KAT6B: variants seen among roughly 807,000 people sequenced by gnomAD.
KAT6B encodes the protein lysine acetyltransferase 6B.
KAT6B carries 10 observed loss-of-function variants against 187.5 expected under a neutral mutation model. That is an observed-to-expected ratio of 0.05 (90% CI 0.03 to 0.09). The LOEUF (loss-of-function observed/expected upper bound fraction) is 0.09. Among genes scored for constraint, KAT6B ranks in the 10% least tolerant of loss-of-function variants. The pLI, the probability that KAT6B is intolerant of heterozygous loss-of-function variation, is 1.00. For synonymous variants in KAT6B, 861 were observed against 926.8 expected (o/e 0.93, Z 1.29); for missense variants, 1,952 against 2,558.9 (o/e 0.76, Z 5.12).
intron 3 of KAT6B, among the ~76,000 whole-genome samples, chr10:74,905,234 G>GT (rs1182200560): frequency 6.6e-6 from 1 of 152,192 alleles, no homozygotes; most frequent in Non-Finnish European, 1.5e-5. Flanking sequence ...TCATGAGGTA[G>GT]TTTTTTGCCA....
intron 3 of KAT6B, among the ~76,000 whole-genome samples, chr10:74,891,716 C>T (rs1845656109): frequency 6.6e-6 from 1 of 152,128 alleles, no homozygotes; most frequent in South Asian, 2.1e-4. Context: ...CTGATGATGG[C>T]AGATTGTGGT....
intron 3 of KAT6B, among the ~76,000 whole-genome samples, chr10:74,907,069 G>GC (rs1382689287): frequency 1.3e-5 from 2 of 152,210 alleles, no homozygotes; most frequent in Non-Finnish European, 2.9e-5. Flanking sequence ...TGTGATCAAA[G>GC]CAGGATATTT....
rs1175421484 is a variant in KAT6B, at chr10:75,029,227, A to G, written c.4403A>G (p.His1468Arg). The change falls in exon 18 of 18, where the codon CAC becomes CGC. Residue 1468 changes from histidine to arginine, a missense_variant. Coordinates refer to ENST00000287239, the MANE Select transcript of KAT6B (RefSeq NM_012330.4). The surrounding 1 kb of genome is among the most constrained non-coding windows in gnomAD (Gnocchi z 6.2). ...TTAGACCTTAATGTGCAGCCTGGTC[A>G]CTCGAACCCAGAGGTCTTAATGGAC... The part of the protein sequence containing the change: ...TFLDLNVQPG[H>R]SNPEVLMDCG... 6.2e-7 allele frequency: 1 copy of G among 1,613,974 alleles called. No homozygotes were observed. The highest frequency in any genetic ancestry group is 1.7e-5 in the Admixed American group (1 of 59,994).
At chr10:74,911,525 C>T (rs927878074) in intron 3 of KAT6B, among the ~76,000 whole-genome samples, 8 of 152,264 alleles carry the variant, frequency 5.3e-5, no homozygotes, top group African/African-American at 1.4e-4. Context: ...GCTTCAGCCT[C>T]CCAAAGTGCT....
chr10:74,979,315 C>T lies in KAT6B; in HGVS notation c.2207C>T (p.Ser736Leu), dbSNP rs1442823958. The part of the protein sequence containing the change: ...GKYEIQTWYS[S>L]PYPQEYARLP... Reference sequence around the variant, plus strand: ...TATGAAATCCAAACCTGGTACTCCTCGCCTTACCCACAGGAATATGCAAGG... The same window carrying T: ...TATGAAATCCAAACCTGGTACTCCTTGCCTTACCCACAGGAATATGCAAGG... Residue 736 changes from serine (S) to leucine (L), a missense_variant, in exon 10 of 18, where the codon TCG (serine) becomes TTG (leucine). Physicochemically the swap from Ser to Leu is moderately radical, Grantham distance 145 (BLOSUM62 -2). Transcript: ENST00000287239. 2.5e-6 allele frequency: 4 copies of T among 1,612,094 alleles called. No individual in the cohort carries two copies. The highest frequency in any genetic ancestry group is 2.2e-5 in the East Asian group (1 of 44,868).
At position 74,971,301 on chromosome 10, in the gene KAT6B, C is replaced by T. The variant is rs560670379; in HGVS notation, c.928+1200C>T. On this transcript the variant is annotated intron_variant, in intron 6 of 17. Coordinates refer to ENST00000287239, the MANE Select transcript of KAT6B (RefSeq NM_012330.4). ...GATCAAAGGCTAGATACATGAAAGG[C>T]TGTATCAGTTTTCAGGCTGTCCAGC... 5.3e-5 allele frequency among the ~76,000 whole-genome samples: 8 copies of T among 152,244 alleles called. No homozygotes were observed. In the South Asian group the frequency reaches 1.7e-3, roughly 32 times the overall value.
intron 1 of KAT6B, among the ~76,000 whole-genome samples, 150 bp from the exon 2 acceptor site, chr10:74,838,532 CA>C (rs1162834376): frequency 6.6e-6 from 1 of 152,136 alleles, no homozygotes; most frequent in Non-Finnish European, 1.5e-5. Context: ...AAGAATCCTT[CA>C]GTGGTCTAAA....
At chr10:74,825,996 G>T (rs1383645401), upstream of KAT6B, among the ~76,000 whole-genome samples, 1 of 151,974 alleles carries the variant, frequency 6.6e-6, no homozygotes, top group African/African-American at 2.4e-5. This position sits in a 1 kb window ranked among gnomAD's most constrained non-coding sequence, Gnocchi z 5.0. Context: ...ACACTCCACC[G>T]AAGGAGCTGG....
intron 3 of KAT6B, among the ~76,000 whole-genome samples, chr10:74,856,616 G>A (rs1842844793): frequency 6.6e-6 from 1 of 152,046 alleles, no homozygotes; most frequent in Admixed American, 6.6e-5. Context: ...AGCGTGTGGG[G>A]GTCTGGGAGT....
At chr10:74,886,675 C>A (rs1289065484) in intron 3 of KAT6B, among the ~76,000 whole-genome samples, 1 of 152,174 alleles carries the variant, frequency 6.6e-6, no homozygotes, top group Non-Finnish European at 1.5e-5. Flanking sequence ...TGCATCTGCT[C>A]CTACTCTGTA....
chr10:75,022,940 G>C (rs1845550442), intron 16 of KAT6B, among the ~76,000 whole-genome samples: 1 of 152,128 alleles, frequency 6.6e-6, no homozygotes, highest in Non-Finnish European at 1.5e-5. Context: ...AGAACAAAAA[G>C]ACTCCAAGCC....
At chr10:74,924,388 A>G (rs1316983859) in intron 3 of KAT6B, among the ~76,000 whole-genome samples, 2 of 152,214 alleles carry the variant, frequency 1.3e-5, no homozygotes, top group Non-Finnish European at 2.9e-5. Flanking sequence ...CCAAATAGCA[A>G]TGCATGCTGT....
chr10:74,899,937 TAAGA>T (rs1846263227), intron 3 of KAT6B, among the ~76,000 whole-genome samples: 1 of 152,132 alleles, frequency 6.6e-6, no homozygotes, highest in South Asian at 2.1e-4. Context: ...CATGAAACAG[TAAGA>T]AAGCAGTGCA....
chr10:75,016,991 G>A (rs931235133), intron 13 of KAT6B, among the ~76,000 whole-genome samples: 16 of 150,864 alleles, frequency 1.1e-4, no homozygotes, highest in Non-Finnish European at 1.8e-4. Flanking sequence ...AGCCTCCCGA[G>A]TAGCTGGGAT....
intron 3 of KAT6B, among the ~76,000 whole-genome samples, chr10:74,848,378 G>A (rs978856274): frequency 1.3e-5 from 2 of 151,980 alleles, no homozygotes; most frequent in African/African-American, 2.4e-5. Flanking sequence ...GGTGGCACAC[G>A]CCTATAATCC....
chr10:74,913,703 G>A (rs1847420327), intron 3 of KAT6B, among the ~76,000 whole-genome samples: 1 of 152,188 alleles, frequency 6.6e-6, no homozygotes, highest in Admixed American at 6.5e-5. Context: ...ATACACAAAG[G>A]GGAAAGAAAA....
intron 13 of KAT6B, among the ~76,000 whole-genome samples, chr10:75,018,252 G>A (rs1845128762): frequency 1.3e-5 from 2 of 152,192 alleles, no homozygotes; most frequent in Admixed American, 6.5e-5. Flanking sequence ...AAAGACCACT[G>A]GGCTTTCAGT....
intron 3 of KAT6B, 115 bp downstream of exon 3, chr10:74,843,593 T>G (rs1461950947): frequency 2.2e-6 from 3 of 1,334,532 alleles, no homozygotes; most frequent in Non-Finnish European, 2.1e-6. Context: ...AATTGAATGT[T>G]TTGCCTTAGA....
rs1176532397 is a variant in KAT6B, at chr10:75,029,514, G to A, written c.4690G>A (p.Glu1564Lys). Reference protein sequence around the residue: ...EQDDTFQDCAETQEACRSLQN... With the variant: ...EQDDTFQDCAKTQEACRSLQN... The stretch of plus-strand genomic sequence containing the variant: ...GGACGACACCTTTCAGGATTGTGCC[G>A]AGACTCAAGAGGCCTGTAGAAGCCT... The change falls in exon 18 of 18, where the codon GAG becomes AAG. Residue 1564 changes from glutamate to lysine, a missense_variant. Glu to Lys is a moderately conservative substitution (Grantham distance 56). This residue lies in a region of KAT6B where 758 missense variants were observed against 891.4 expected (regional missense o/e 0.85). Transcript: ENST00000287239. This position sits in a 1 kb window ranked among gnomAD's most constrained non-coding sequence, Gnocchi z 6.2. 2 of 1,613,974 alleles carry A rather than the reference G, an allele frequency of 1.2e-6. No homozygotes were observed. Among genetic ancestry groups the A allele is most frequent in the Admixed American group, 3.3e-5 (2 of 60,000 alleles).
Sources: allele counts gnomAD v4.1 joint callset (sites outside exome capture counted in the v4.1 genomes callset), GRCh38; gene constraint gnomAD v4.1.1; regional missense constraint gnomAD v4.1.1; non-coding constraint Gnocchi (gnomAD v3.1); transcripts MANE v1.5; gene names NCBI Gene and HGNC (gene_info 2026-07-23, HGNC 2026-07-21).